The following NUP133 variants were observed in gnomAD, a reference collection of about 807,000 sequenced individuals.
The protein encoded by NUP133 is nuclear pore complex protein Nup133.
NUP133 carries 66 observed loss-of-function variants against 146.2 expected under a neutral mutation model. That is an observed-to-expected ratio of 0.45 (90% CI 0.37 to 0.55). The LOEUF is 0.55. NUP133 is among the 20% of genes least tolerant of loss of function. The probability of loss-of-function intolerance (pLI) is 0.00; values close to 1 mark genes in which losing one functional copy is unlikely to be tolerated. For synonymous variants in NUP133, 521 were observed against 498.8 expected, an observed-to-expected ratio of 1.04 and a Z score of -0.59; for missense variants, 1,277 against 1,374.8, an observed-to-expected ratio of 0.93 and a Z score of 1.12.
chr1:229,486,508 C>T lies in NUP133; in HGVS notation c.1363G>A (p.Gly455Ser). ...NAQGDSVLGA[G>S]ACGGVPIIFS... ...ATGATAGGAACACCACCACAGGCAC[C>T]AGCACCTAAAACACTATCTCCTAAA... Residue 455 changes from glycine (G) to serine (S), a missense_variant, in exon 11 of 26, where the codon GGT (glycine) becomes AGT (serine). By Grantham distance (56) the Gly-to-Ser change is moderately conservative. This residue lies in a region of NUP133 where 952 missense variants were observed against 1,047.0 expected (regional missense o/e 0.91). Transcript: ENST00000261396. 6.2e-7 allele frequency: 1 copy of T among 1,608,524 alleles called. No individual in the cohort carries two copies. Among genetic ancestry groups the T allele is most frequent in the South Asian group, 1.1e-5 (1 of 89,688 alleles).
intron 23 of NUP133, 55 bp from the exon 24 acceptor site, chr1:229,449,245 A>T: frequency 8.7e-7 from 1 of 1,152,380 alleles, no homozygotes; most frequent in Non-Finnish European, 1.3e-6. Flanking sequence ...AAAGAAATAC[A>T]TGCCTAAATT....
chr1:229,460,052 T>C (rs1170441985), intron 20 of NUP133, among the ~76,000 whole-genome samples: 1 of 152,206 alleles, frequency 6.6e-6, no homozygotes, highest in Non-Finnish European at 1.5e-5. Context: ...GTAACAGCCA[T>C]TCGAACAAAT....
rs183748160 is a variant in NUP133, at chr1:229,456,186, T to C, written c.2980+1975A>G. ...GCTTCAGGAGTGGTACACAATGTGG[T>C]TTGTTTTGTGGTTGATGACAGGGTC... On this transcript the variant is annotated intron_variant, in intron 21 of 25. Coordinates refer to ENST00000261396, the MANE Select transcript of NUP133 (RefSeq NM_018230.3). Among the ~76,000 whole-genome samples the C allele has an allele frequency of 3.1e-3, 479 of 152,260 alleles. 2 individuals are homozygous for C. The highest frequency in any genetic ancestry group is 6.4e-3 in the Admixed American group (98 of 15,296).
Position 229,486,503 on chromosome 1 carries a change from G to A in NUP133, c.1368C>T (p.Ala456=). 1 of 1,608,424 alleles carries A rather than the reference G, an allele frequency of 6.2e-7. No individual in the cohort carries two copies. The highest frequency in any genetic ancestry group is 1.3e-5 in the African/African-American group (1 of 74,262). ...AQGDSVLGAG[A]CGGVPIIFSR... is the part of the protein sequence containing the mutation. ...AAAAAATGATAGGAACACCACCACA[G>A]GCACCAGCACCTAAAACACTATCTC... is the stretch of plus-strand genomic sequence containing the variant. The change falls in exon 11 of 26, where the codon GCC becomes GCT. Residue 456 remains alanine, a synonymous_variant. Coordinates refer to ENST00000261396, the MANE Select transcript of NUP133 (RefSeq NM_018230.3).
Position 229,499,096 on chromosome 1 carries a change from T to G in NUP133, c.648+588A>C. On this transcript the variant is annotated intron_variant, in intron 5 of 25. Coordinates refer to ENST00000261396, the MANE Select transcript of NUP133 (RefSeq NM_018230.3). ...AAATTTTTTTGTAGAGACAAAGTTT[T>G]GTTTTATGGCGCAGGCTAGTCTTGA... is the stretch of plus-strand genomic sequence containing the variant. 4 of 437,246 alleles carry G rather than the reference T, an allele frequency of 9.1e-6. No individual in the cohort carries two copies. In the Middle Eastern group the frequency reaches 1.0e-3, roughly 111 times the overall value. The allele number at this position is 437,246 out of a possible 1,614,324, so 27.1% of individuals were successfully genotyped here. A position where few individuals can be genotyped will look rare whatever the true frequency, so the allele number is the denominator to read the frequency against.
At chr1:229,503,523 T>C (rs1234196286) in intron 2 of NUP133, among the ~76,000 whole-genome samples, 5 of 152,230 alleles carry the variant, frequency 3.3e-5, no homozygotes, top group Non-Finnish European at 5.9e-5. Context: ...TCTTAAGTAT[T>C]GGTGGTAAAC....
At chr1:229,487,415 C>A in intron 10 of NUP133, 51 bp downstream of exon 10, 2 of 1,564,326 alleles carry the variant, frequency 1.3e-6, no homozygotes, top group Non-Finnish European at 1.7e-6. Context: ...AAAAAGCACT[C>A]AGAATGACTA....
chr1:229,490,401 TAAAAAAA>T (rs201590753), intron 8 of NUP133, among the ~76,000 whole-genome samples: 1 of 127,484 alleles, frequency 7.8e-6, no homozygotes, highest in Admixed American at 8.0e-5. Context: ...TATTCAGTAG[TAAAAAAA>T]AAAAAAAAAA....
intron 6 of NUP133, among the ~76,000 whole-genome samples, chr1:229,496,899 T>C (rs1167607369): frequency 1.3e-5 from 2 of 152,180 alleles, no homozygotes; most frequent in African/African-American, 2.4e-5. Context: ...TTGGTAAGTG[T>C]AGCAAGCAAG....
At chr1:229,488,126 G>C (rs1390329300) in intron 9 of NUP133, among the ~76,000 whole-genome samples, 1 of 152,196 alleles carries the variant, frequency 6.6e-6, no homozygotes, top group South Asian at 2.1e-4. Flanking sequence ...GATTACAGGC[G>C]TGAGCCACCG....
intron 8 of NUP133, among the ~76,000 whole-genome samples, chr1:229,491,305 G>A (rs1661507480): frequency 6.6e-6 from 1 of 152,170 alleles, no homozygotes; most frequent in East Asian, 1.9e-4. Context: ...GATGTACTCA[G>A]TTATTTAAAG....
At chr1:229,487,893 G>A (rs1354675355) in intron 9 of NUP133, among the ~76,000 whole-genome samples, 1 of 148,750 alleles carries the variant, frequency 6.7e-6, no homozygotes, top group Non-Finnish European at 1.5e-5. Context: ...GCCCAGGCTG[G>A]AGGGTAGTGG....
chr1:229,450,385 A>G (rs1354156915), intron 23 of NUP133, 140 bp downstream of exon 23: 4 of 454,740 alleles, frequency 8.8e-6, no homozygotes, highest in Non-Finnish European at 1.2e-5. Flanking sequence ...AGTTGTTTAC[A>G]TTCTAAGGAT....
intron 24 of NUP133, among the ~76,000 whole-genome samples, chr1:229,447,629 T>C (rs73112277): frequency 0.046 from 6,876 of 150,912 alleles, 470 homozygotes; most frequent in African/African-American, 0.15. Flanking sequence ...GTTAAATTGG[T>C]CACCAACTTT....
In NUP133 at chr1:229,498,148, A is replaced by C; in HGVS notation, c.807T>G (p.Ser269Arg). Residue 269 changes from serine to arginine, a missense_variant, in exon 6 of 26, where the codon AGT becomes AGG. Coordinates refer to ENST00000261396, the MANE Select transcript of NUP133 (RefSeq NM_018230.3). ...TTTATAAACTTACTGTGAGATCACTACTAGGAGATAAAATTCCAAAAAGAG... is the reference window on the plus strand; with the variant it reads ...TTTATAAACTTACTGTGAGATCACTCCTAGGAGATAAAATTCCAAAAAGAG... ...VSSLFGILSP[S>R]SDLTLSSVLW... 1 of 1,605,818 alleles carries C rather than the reference A, an allele frequency of 6.2e-7. No homozygotes were observed. Among genetic ancestry groups the C allele is most frequent in the Non-Finnish European group, 8.5e-7 (1 of 1,176,608 alleles).
Position 229,445,560 on chromosome 1 carries a change from C to T in NUP133, c.3246-558G>A, listed in dbSNP as rs116355038. On this transcript the variant is annotated intron_variant, in intron 24 of 25. Coordinates refer to ENST00000261396, the MANE Select transcript of NUP133 (RefSeq NM_018230.3). The stretch of plus-strand genomic sequence containing the variant: ...TCTTGAACTCCTGGGGTCCAGCAAT[C>T]CTCCTGTCTTGGCCTCCCAAAGTGC... 6.8e-3 allele frequency among the ~76,000 whole-genome samples: 1,034 copies of T among 152,298 alleles called. 12 individuals carry two copies. The highest frequency in any genetic ancestry group is 0.024 in the African/African-American group (990 of 41,566).
chr1:229,458,447 T>C, intron 20 of NUP133, 151 bp from the exon 21 acceptor site: 2 of 574,234 alleles, frequency 3.5e-6, no homozygotes, highest in Admixed American at 6.8e-5. Flanking sequence ...GAGCAGTACG[T>C]AACATTGAGA....
rs371629436 is a variant in NUP133 at position 229,455,865 on chromosome 1, T to C, written c.2980+2296A>G. Among the ~76,000 whole-genome samples, 6 of 152,342 alleles carry C rather than the reference T, an allele frequency of 3.9e-5. No individual in the cohort carries two copies. The East Asian group carries it at 5.8e-4, about 15-fold the overall frequency. On this transcript the variant is annotated intron_variant, in intron 21 of 25. Coordinates refer to ENST00000261396, the MANE Select transcript of NUP133 (RefSeq NM_018230.3). ...CAGTTATATCATCTAATACTAAGTATGTTCAAACTTTCTCCCACTTGTTTC... is the reference window on the plus strand; with the variant it reads ...CAGTTATATCATCTAATACTAAGTACGTTCAAACTTTCTCCCACTTGTTTC...
chr1:229,484,311 C>G (rs556994799), intron 11 of NUP133, among the ~76,000 whole-genome samples, 166 bp from the exon 12 acceptor site: 1 of 152,118 alleles, frequency 6.6e-6, no homozygotes, highest in African/African-American at 2.4e-5. Context: ...TTGGGCCACA[C>G]TGGAAGAATC....
Sources: gnomAD v4.1 joint callset for allele counts (sites outside exome capture counted in the v4.1 genomes callset) on GRCh38, gnomAD v4.1.1 for gene constraint, gnomAD v4.1.1 regional missense constraint, MANE v1.5 for transcripts, NCBI Gene and HGNC (gene_info 2026-07-23, HGNC 2026-07-21) for gene names.